The following SREBF2 variants were observed in gnomAD, a reference collection of about 807,000 sequenced individuals.
SREBF2 encodes the protein sterol regulatory element binding transcription factor 2.
Under a neutral mutation model 113.1 loss-of-function variants are expected in SREBF2, and 55 were observed. The observed-to-expected ratio is 0.49, with a 90% confidence interval of 0.39 to 0.61. The LOEUF (loss-of-function observed/expected upper bound fraction) is 0.61, where lower values mean the gene tolerates loss of function less well. Ranked by LOEUF, SREBF2 falls within the 20% of genes least tolerant of loss-of-function variation. SREBF2 has a pLI of 0.00. For synonymous variants in SREBF2, 593 were observed against 605.7 expected (o/e 0.98, Z 0.31); for missense variants, 1,349 against 1,487.4 (o/e 0.91, Z 1.53).
At chr22:41,838,563 T>C (rs2076799697) in intron 1 of SREBF2, among the ~76,000 whole-genome samples, 1 of 152,064 alleles carries the variant, frequency 6.6e-6, no homozygotes, top group African/African-American at 2.4e-5. Context: ...TGAAACCCCA[T>C]TTCTACTAAA....
Position 41,899,816 on chromosome 22 carries a change from G to A in SREBF2, c.2739-514G>A, listed in dbSNP as rs1011949580. ...ACCCCTGCAGGCACTGCTGCCTGCT[G>A]GATTCACTTACCCCTGGGTCCCTCT... On this transcript the variant is annotated intron_variant, in intron 15 of 18. Coordinates refer to ENST00000361204, the MANE Select transcript of SREBF2 (RefSeq NM_004599.4). Among the ~76,000 whole-genome samples, 10 of 152,276 alleles carry A rather than the reference G, an allele frequency of 6.6e-5. No individual in the cohort carries two copies. In the East Asian group the frequency reaches 1.7e-3, roughly 26 times the overall value.
At chr22:41,893,828 C>T (rs1203337593) in intron 12 of SREBF2, among the ~76,000 whole-genome samples, 3 of 152,082 alleles carry the variant, frequency 2.0e-5, no homozygotes, top group Non-Finnish European at 4.4e-5. Context: ...TTGACTCGCC[C>T]GGCCTTGGAG....
intron 1 of SREBF2, among the ~76,000 whole-genome samples, chr22:41,843,759 C>T (rs2076849791): frequency 6.6e-6 from 1 of 151,872 alleles, no homozygotes; most frequent in African/African-American, 2.4e-5. Context: ...CTTTGGGAGG[C>T]CAAGATGAGA....
At chr22:41,896,173 A>ATGT (rs1404172236) in intron 13 of SREBF2, among the ~76,000 whole-genome samples, 1 of 151,768 alleles carries the variant, frequency 6.6e-6, no homozygotes, top group Non-Finnish European at 1.5e-5. Flanking sequence ...TGGGAATGAA[A>ATGT]TGTGACGAGC....
intron 7 of SREBF2, 140 bp from the exon 8 acceptor site, chr22:41,877,089 G>T: frequency 1.2e-6 from 1 of 822,214 alleles, no homozygotes; most frequent in South Asian, 1.5e-5. Flanking sequence ...AGGCTTCTCA[G>T]TTCCCATCTG....
chr22:41,864,257 T>TACACACAC (rs1271238414), intron 1 of SREBF2, among the ~76,000 whole-genome samples: 27 of 72,762 alleles, frequency 3.7e-4, no homozygotes, highest in African/African-American at 1.0e-3. Context: ...TATATATATA[T>TACACACAC]ATATACACAC....
chr22:41,846,227 A>T (rs1210262661), intron 1 of SREBF2, among the ~76,000 whole-genome samples: 1 of 152,156 alleles, frequency 6.6e-6, no homozygotes, highest in Non-Finnish European at 1.5e-5. Context: ...ACAGAAAAGG[A>T]TTTGTTAGAA....
intron 3 of SREBF2, among the ~76,000 whole-genome samples, chr22:41,870,004 C>T (rs1276192992): frequency 3.9e-5 from 6 of 152,014 alleles, no homozygotes; most frequent in Admixed American, 1.3e-4. Context: ...TCCAGGCACG[C>T]GCCATCACGC....
At chr22:41,847,397 G>A (rs1190762991) in intron 1 of SREBF2, among the ~76,000 whole-genome samples, 2 of 152,198 alleles carry the variant, frequency 1.3e-5, no homozygotes, top group Non-Finnish European at 2.9e-5. Flanking sequence ...CTAAAAGAGA[G>A]TGAAAGAGGG....
At chr22:41,901,538 G>A (rs567659762) in intron 16 of SREBF2, among the ~76,000 whole-genome samples, 15 of 152,318 alleles carry the variant, frequency 9.8e-5, no homozygotes, top group Admixed American at 3.9e-4. Flanking sequence ...GCATGTATCT[G>A]TAATCCCAGC....
chr22:41,840,707 T>C (rs568121896), intron 1 of SREBF2, among the ~76,000 whole-genome samples: 1 of 152,346 alleles, frequency 6.6e-6, no homozygotes, highest in South Asian at 2.1e-4. Context: ...CTTGATCCTT[T>C]GTGTGACCTG....
intron 1 of SREBF2, among the ~76,000 whole-genome samples, chr22:41,856,390 A>G (rs556293529): frequency 7.9e-5 from 12 of 152,278 alleles, no homozygotes; most frequent in Non-Finnish European, 1.3e-4. Flanking sequence ...CAGCCTCTCA[A>G]AGTGCTGGGA....
At chr22:41,887,957 C>T (rs1332632098) in intron 11 of SREBF2, among the ~76,000 whole-genome samples, 2 of 152,210 alleles carry the variant, frequency 1.3e-5, no homozygotes, top group South Asian at 2.1e-4. Flanking sequence ...TGTTTCGTTA[C>T]ATTCAATTCA....
At chr22:41,843,455 G>A (rs1032422185) in intron 1 of SREBF2, among the ~76,000 whole-genome samples, 1 of 152,174 alleles carries the variant, frequency 6.6e-6, no homozygotes, top group Non-Finnish European at 1.5e-5. Context: ...ACCTACATTC[G>A]TCTCATAATA....
In SREBF2 at chr22:41,864,261, T is replaced by TATATATAC. The variant is rs1204150898; in HGVS notation, c.89-2569_89-2568insTATATACA. Among the ~76,000 whole-genome samples, 243 of 50,908 alleles carry TATATATAC rather than the reference T, an allele frequency of 4.8e-3. 1 individual carries two copies. Among genetic ancestry groups the TATATATAC allele is most frequent in the South Asian group, 0.011 (13 of 1,202 alleles). 33.4% of individuals were successfully genotyped at this position (50,908 alleles called of 152,430 possible). A position where few individuals can be genotyped will look rare whatever the true frequency, so the allele number is the denominator to read the frequency against. On this transcript the variant is annotated intron_variant, in intron 1 of 18. Coordinates refer to ENST00000361204, the MANE Select transcript of SREBF2 (RefSeq NM_004599.4). The stretch of plus-strand genomic sequence containing the variant: ...ATATATATATATATATATATATATA[T>TATATATAC]ACACACACACACACACACACACAAA...
At chr22:41,897,402 G>A (rs2077426169) in intron 14 of SREBF2, among the ~76,000 whole-genome samples, 1 of 152,198 alleles carries the variant, frequency 6.6e-6, no homozygotes, top group African/African-American at 2.4e-5. Context: ...AGCCCTAGCT[G>A]TGTGACCCAG....
chr22:41,865,389 A>G (rs2077065674), intron 1 of SREBF2, among the ~76,000 whole-genome samples: 1 of 152,168 alleles, frequency 6.6e-6, no homozygotes, highest in Non-Finnish European at 1.5e-5. Context: ...AAGAATATGG[A>G]CAATGTAGAG....
chr22:41,856,199 T>TC (rs1569379741), intron 1 of SREBF2, among the ~76,000 whole-genome samples: 1 of 151,896 alleles, frequency 6.6e-6, no homozygotes, highest in Non-Finnish European at 1.5e-5. Context: ...CAAACTCTGC[T>TC]CACTGCAACC....
chr22:41,870,037 G>A (rs1157470968), intron 3 of SREBF2, among the ~76,000 whole-genome samples: 2 of 152,086 alleles, frequency 1.3e-5, no homozygotes, highest in South Asian at 2.1e-4. Flanking sequence ...TGTATTTTTA[G>A]TAGAGACAGG....
Sources: allele counts gnomAD v4.1 joint callset (sites outside exome capture counted in the v4.1 genomes callset), GRCh38; gene constraint gnomAD v4.1.1; transcripts MANE v1.5; gene names NCBI Gene and HGNC (gene_info 2026-07-23, HGNC 2026-07-21).